IL16: variants seen among roughly 807,000 people sequenced by gnomAD.
The protein encoded by IL16 is pro-interleukin-16.
IL16 carries 67 observed loss-of-function variants against 110.1 expected under a neutral mutation model. The ratio of observed to expected loss-of-function variants is 0.61; its 90% CI spans 0.50 to 0.75. IL16 has a LOEUF of 0.75. Among genes scored for constraint, IL16 ranks in the 30% least tolerant of loss-of-function variants. The pLI is 0.00. For synonymous variants in IL16, 689 were observed against 662.9 expected (o/e 1.04, Z -0.61); for missense variants, 1,545 against 1,655.0 (o/e 0.93, Z 1.15).
In IL16 at chr15:81,279,709, C is replaced by T; in HGVS notation, c.1016C>T (p.Pro339Leu). 1 of 1,614,254 alleles carries T rather than the reference C, an allele frequency of 6.2e-7. No individual in the cohort carries two copies. The highest frequency in any genetic ancestry group is 8.5e-7 in the Non-Finnish European group (1 of 1,180,050). Reference sequence around the variant, plus strand: ...AGCAGCTCCTTCGCCTTGGAAAGCCCCTCGGCTCCCATCAGCACCGCCAAG... The same window carrying T: ...AGCAGCTCCTTCGCCTTGGAAAGCCTCTCGGCTCCCATCAGCACCGCCAAG... Reference protein sequence around the residue: ...KDSSSFALESPSAPISTAKPN... With the variant: ...KDSSSFALESLSAPISTAKPN... Residue 339 changes from proline to leucine, a missense_variant, in exon 8 of 19, where the codon CCC becomes CTC. Around this residue, in one of 3 missense-constraint regions of IL16, gnomAD observed 1,185 missense variants for 1,238.8 expected, o/e 0.96. Transcript: ENST00000683961.
Position 81,309,121 on chromosome 15 carries a change from G to A in IL16, c.*323G>A. 2 of 256,586 alleles carry A rather than the reference G, an allele frequency of 7.8e-6. No homozygotes were observed. The highest frequency in any genetic ancestry group is 7.4e-6 in the Non-Finnish European group (1 of 134,848). 15.9% of individuals were successfully genotyped at this position (256,586 alleles called of 1,614,324 possible). ...ACATTCATGCCTGGCTTCGCAAAAT[G>A]TTTCAAGTACTGTAACTGTGTCATG... On this transcript the variant is annotated 3_prime_UTR_variant, in exon 19 of 19. Transcript: ENST00000683961.
At chr15:81,191,002 T>A (rs1895490057) in intron 1 of IL16, among the ~76,000 whole-genome samples, 1 of 152,208 alleles carries the variant, frequency 6.6e-6, no homozygotes, top group South Asian at 2.1e-4. Flanking sequence ...TACGAGACTT[T>A]CCTGGAACTG....
chr15:81,300,505 ACC>A (rs1900227068), intron 14 of IL16, 30 bp downstream of exon 14: 1 of 1,411,904 alleles, frequency 7.1e-7, no homozygotes, highest in Admixed American at 2.0e-5. Flanking sequence ...GTTTCTCTTT[ACC>A]TTTCTCATCT....
At position 81,275,363 on chromosome 15, in the gene IL16, G is replaced by C. The variant is rs1445852163; in HGVS notation, c.790+2159G>C. The stretch of plus-strand genomic sequence containing the variant: ...CCAAGCAGTTGACGGGGGAGGAGGG[G>C]GGGGAGGGGAGGGGAGGGGAGGGGA... On this transcript the variant is annotated intron_variant, in intron 6 of 18. Coordinates refer to ENST00000683961, the MANE Select transcript of IL16 (RefSeq NM_172217.5). Among the ~76,000 whole-genome samples the C allele has an allele frequency of 1.7e-3, 164 of 94,628 alleles. 1 individual carries two copies. Among genetic ancestry groups the C allele is most frequent in the African/African-American group, 7.3e-3 (150 of 20,538 alleles). The allele number at this position is 94,628 out of a possible 152,430, so 62.1% of individuals were successfully genotyped here.
intron 2 of IL16, among the ~76,000 whole-genome samples, chr15:81,226,084 A>G (rs1896779616): frequency 6.6e-6 from 1 of 152,194 alleles, no homozygotes; most frequent in Non-Finnish European, 1.5e-5. Flanking sequence ...GACTTATAGA[A>G]ACAGACTTAT....
intron 2 of IL16, among the ~76,000 whole-genome samples, chr15:81,228,327 T>C (rs912992746): frequency 2.0e-5 from 3 of 151,276 alleles, no homozygotes; most frequent in Admixed American, 2.0e-4. Context: ...AACACATTTT[T>C]TTTTTTTTTT....
At chr15:81,247,241 T>A (rs1426135569) in intron 2 of IL16, among the ~76,000 whole-genome samples, 1 of 152,040 alleles carries the variant, frequency 6.6e-6, no homozygotes, top group Non-Finnish European at 1.5e-5. Context: ...TCTACTTTCT[T>A]TGATGATTAG....
chr15:81,254,670 C>T (rs1897886082), intron 2 of IL16, among the ~76,000 whole-genome samples: 1 of 152,128 alleles, frequency 6.6e-6, no homozygotes, highest in Non-Finnish European at 1.5e-5. Flanking sequence ...CCCCTGACCT[C>T]GATGACAAAT....
intron 4 of IL16, 88 bp downstream of exon 4, chr15:81,265,889 C>T: frequency 1.5e-6 from 2 of 1,298,388 alleles, no homozygotes; most frequent in Non-Finnish European, 1.1e-6. Flanking sequence ...AAGAGGCCTT[C>T]CCAGTAGTTT....
At chr15:81,286,586 T>C (rs548469755) in intron 10 of IL16, among the ~76,000 whole-genome samples, 2 of 152,296 alleles carry the variant, frequency 1.3e-5, no homozygotes, top group African/African-American at 4.8e-5. Flanking sequence ...TGAGGAGCTA[T>C]GGGAGGTCTG....
intron 1 of IL16, among the ~76,000 whole-genome samples, chr15:81,199,826 G>A (rs1175560646): frequency 2.6e-5 from 4 of 152,138 alleles, no homozygotes; most frequent in Non-Finnish European, 5.9e-5. Context: ...AGATTCCAAC[G>A]AGGAATTTCA....
At chr15:81,207,729 T>C (rs1480193066) in intron 1 of IL16, among the ~76,000 whole-genome samples, 1 of 152,224 alleles carries the variant, frequency 6.6e-6, no homozygotes, top group East Asian at 1.9e-4. Context: ...CTGCATAGTA[T>C]TTCATGGTGA....
intron 1 of IL16, among the ~76,000 whole-genome samples, chr15:81,221,576 C>T (rs1896617101): frequency 6.6e-6 from 1 of 152,166 alleles, no homozygotes; most frequent in Non-Finnish European, 1.5e-5. Flanking sequence ...CAATTATTCT[C>T]TCTCCCTTCC....
At chr15:81,287,654 T>C (rs1008040399) in intron 10 of IL16, among the ~76,000 whole-genome samples, 1 of 152,190 alleles carries the variant, frequency 6.6e-6, no homozygotes, top group African/African-American at 2.4e-5. Flanking sequence ...ATGGTGAAGC[T>C]ACTAAGTAAA....
intron 2 of IL16, among the ~76,000 whole-genome samples, chr15:81,236,379 A>G (rs959946315): frequency 6.6e-6 from 1 of 152,150 alleles, no homozygotes; most frequent in Non-Finnish European, 1.5e-5. Flanking sequence ...TTAGGGCTCC[A>G]TGACTCCCAC....
intron 2 of IL16, among the ~76,000 whole-genome samples, chr15:81,231,296 G>GGAGGGGA (rs1030750984): frequency 5.5e-5 from 8 of 145,620 alleles, no homozygotes; most frequent in Non-Finnish European, 1.1e-4. Flanking sequence ...GGAGGGGAGG[G>GGAGGGGA]GAGGGGAGAT....
intron 14 of IL16, among the ~76,000 whole-genome samples, chr15:81,300,745 C>G (rs1395790587): frequency 6.6e-6 from 1 of 152,048 alleles, no homozygotes; most frequent in Non-Finnish European, 1.5e-5. Flanking sequence ...GGACTGGCTC[C>G]CTGGTGAATT....
At chr15:81,239,872 A>G (rs1897290385) in intron 2 of IL16, among the ~76,000 whole-genome samples, 1 of 152,216 alleles carries the variant, frequency 6.6e-6, no homozygotes, top group East Asian at 1.9e-4. Context: ...GATAGTAGAT[A>G]GAAAGAAAAT....
At chr15:81,297,270 C>A (rs933070562) in intron 13 of IL16, among the ~76,000 whole-genome samples, 192 bp downstream of exon 13, 1 of 152,052 alleles carries the variant, frequency 6.6e-6, no homozygotes. Flanking sequence ...GGGTGGGGAG[C>A]CTCCTGGGTG....
Sources: gnomAD v4.1 joint callset for allele counts (sites outside exome capture counted in the v4.1 genomes callset) on GRCh38, gnomAD v4.1.1 for gene constraint, gnomAD v4.1.1 regional missense constraint, MANE v1.5 for transcripts, NCBI Gene and HGNC (gene_info 2026-07-23, HGNC 2026-07-21) for gene names.